The following PAX7 variants were observed in gnomAD, a reference collection of about 807,000 sequenced individuals.
The protein encoded by PAX7 is paired box 7.
PAX7 carries 18 observed loss-of-function variants against 50.7 expected under a neutral mutation model. The ratio of observed to expected loss-of-function variants is 0.36; its 90% CI spans 0.25 to 0.53. The LOEUF (loss-of-function observed/expected upper bound fraction) is 0.53, where lower values mean the gene tolerates loss of function less well. Ranked by LOEUF, PAX7 falls within the 20% of genes least tolerant of loss-of-function variation. The pLI is 0.93. For missense variants in PAX7, 644 were observed against 702.9 expected, an observed-to-expected ratio of 0.92 and a Z score of 0.95; for synonymous variants, 310 against 290.4, an observed-to-expected ratio of 1.07 and a Z score of -0.69.
intron 3 of PAX7, among the ~76,000 whole-genome samples, chr1:18,635,486 G>C (rs2088136390): frequency 6.6e-6 from 1 of 151,504 alleles, no homozygotes; most frequent in South Asian, 2.1e-4. Context: ...AAATAAGAAA[G>C]GGAGGAAGAA....
At chr1:18,733,639 C>T (rs2089675500) in intron 7 of PAX7, among the ~76,000 whole-genome samples, 1 of 152,170 alleles carries the variant, frequency 6.6e-6, no homozygotes, top group African/African-American at 2.4e-5. Context: ...AAGAACCAGG[C>T]AGAGGCTCTG....
intron 8 of PAX7, among the ~76,000 whole-genome samples, chr1:18,737,338 A>C: frequency 6.6e-6 from 1 of 151,500 alleles, no homozygotes. Flanking sequence ...CACCCCCCCA[A>C]ACCCACTCCT....
At chr1:18,717,659 A>G (rs2089444919) in intron 7 of PAX7, among the ~76,000 whole-genome samples, 1 of 152,126 alleles carries the variant, frequency 6.6e-6, no homozygotes, top group Non-Finnish European at 1.5e-5. Flanking sequence ...TAATGCAAGG[A>G]CCCTAGGCTC....
chr1:18,635,214 A>G lies in PAX7; in HGVS notation c.425A>G (p.His142Arg), dbSNP rs1222049098. Residue 142 changes from histidine to arginine, a missense_variant, in exon 3 of 9, where the codon CAC (histidine) becomes CGC (arginine). By Grantham distance (29) the His-to-Arg change is conservative (BLOSUM62 0). Coordinates refer to ENST00000420770, the MANE Select transcript of PAX7 (RefSeq NM_001135254.2). ...EIRDRLLKDGHCDRSTVPSGL... is the reference protein window; with the variant it reads ...EIRDRLLKDGRCDRSTVPSGL... ...CGGGACAGGCTGCTGAAGGATGGGC[A>G]CTGTGACCGAAGCACTGTGCCCTCA... 6.2e-7 allele frequency: 1 copy of G among 1,613,750 alleles called. No individual in the cohort carries two copies. Among genetic ancestry groups the G allele is most frequent in the Non-Finnish European group, 8.5e-7 (1 of 1,179,856 alleles).
rs192492282 is a variant in PAX7, at chr1:18,748,739, A to C, written c.*3810A>C. 2 of 229,492 alleles carry C rather than the reference A, an allele frequency of 8.7e-6. No homozygotes were observed. Among genetic ancestry groups the C allele is most frequent in the African/African-American group, 4.4e-5 (2 of 45,200 alleles). The allele number at this position is 229,492 out of a possible 1,614,324, so 14.2% of individuals were successfully genotyped here. A position where few individuals can be genotyped will look rare whatever the true frequency, so the allele number is the denominator to read the frequency against. On this transcript the variant is annotated 3_prime_UTR_variant, in exon 9 of 9. Coordinates refer to ENST00000420770, the MANE Select transcript of PAX7 (RefSeq NM_001135254.2). ...TGTGTTTAAATATAATCACACCATA[A>C]TTTATTCAGCTATATGGAGTAGTAG... is the stretch of plus-strand genomic sequence containing the variant.
In PAX7 at chr1:18,634,559, G is replaced by A. The variant is rs1162116198; in HGVS notation, c.321+21G>A. The A allele has an allele frequency of 2.5e-6, 4 of 1,606,124 alleles. No homozygotes were observed. The highest frequency in any genetic ancestry group is 3.4e-6 in the Non-Finnish European group (4 of 1,173,732). ...CCAGAGTGAGTGTCTTTGCCACAGAGGCTGGCAGCTGGCTTCCTATAGTCG... is the reference window on the plus strand; with the variant it reads ...CCAGAGTGAGTGTCTTTGCCACAGAAGCTGGCAGCTGGCTTCCTATAGTCG... On this transcript the variant is annotated intron_variant, in intron 2 of 8. Coordinates refer to ENST00000420770, the MANE Select transcript of PAX7 (RefSeq NM_001135254.2). This position sits in a 1 kb window ranked among gnomAD's most constrained non-coding sequence, Gnocchi z 4.0.
chr1:18,695,945 G>T (rs2089144317), intron 5 of PAX7, among the ~76,000 whole-genome samples: 2 of 152,164 alleles, frequency 1.3e-5, no homozygotes, highest in South Asian at 4.1e-4. Flanking sequence ...TGTGCTTGGG[G>T]TAGGGGTGGG....
chr1:18,634,984 G>A lies in PAX7; in HGVS notation c.322-127G>A. On this transcript the variant is annotated intron_variant, in intron 2 of 8. Coordinates refer to ENST00000420770, the MANE Select transcript of PAX7 (RefSeq NM_001135254.2). The surrounding 1 kb of genome is among the most constrained non-coding windows in gnomAD (Gnocchi z 4.0). ...GAAAGGATAAAGCCAATCTCTTGGG[G>A]GATGGGGGGACACAAGGTAACCAGA... 1.7e-6 allele frequency: 2 copies of A among 1,191,384 alleles called. No homozygotes were observed. Among genetic ancestry groups the A allele is most frequent in the South Asian group, 1.6e-5 (1 of 61,542 alleles). The allele number at this position is 1,191,384 out of a possible 1,614,324, so 73.8% of individuals were successfully genotyped here. A position where few individuals can be genotyped will look rare whatever the true frequency, so the allele number is the denominator to read the frequency against.
intron 4 of PAX7, among the ~76,000 whole-genome samples, chr1:18,666,967 T>C (rs731306): frequency 0.46 from 69,308 of 151,746 alleles, 16,175 homozygotes; most frequent in African/African-American, 0.54. Flanking sequence ...GCTGAGGGAG[T>C]GGGGGTCCTC....
At chr1:18,738,943 C>T (rs1245115507) in intron 8 of PAX7, among the ~76,000 whole-genome samples, 1 of 152,216 alleles carries the variant, frequency 6.6e-6, no homozygotes, top group African/African-American at 2.4e-5. Flanking sequence ...CATCATGTTC[C>T]CGCTAACCAC....
At chr1:18,739,827 G>A (rs569250719) in intron 8 of PAX7, among the ~76,000 whole-genome samples, 3 of 152,330 alleles carry the variant, frequency 2.0e-5, no homozygotes, top group African/African-American at 4.8e-5. Flanking sequence ...GGGGGCAGGG[G>A]CCCAGGGATG....
rs1202823438 is a variant in PAX7, at chr1:18,746,472, T to C, written c.*1543T>C. ...GGAACTTTTTACCACCTTTACCTATTTATCAAAATCATATTCATCTTTACC... is the reference window on the plus strand; with the variant it reads ...GGAACTTTTTACCACCTTTACCTATCTATCAAAATCATATTCATCTTTACC... On this transcript the variant is annotated 3_prime_UTR_variant, in exon 9 of 9. Transcript: ENST00000420770. The C allele has an allele frequency of 4.3e-6, 1 of 230,512 alleles. No individual in the cohort carries two copies. Among genetic ancestry groups the C allele is most frequent in the East Asian group, 6.1e-5 (1 of 16,288 alleles). 14.3% of individuals were successfully genotyped at this position (230,512 alleles called of 1,614,324 possible). A position where few individuals can be genotyped will look rare whatever the true frequency, so the allele number is the denominator to read the frequency against.
chr1:18,728,293 G>T (rs906105895), intron 7 of PAX7, among the ~76,000 whole-genome samples: 30 of 152,054 alleles, frequency 2.0e-4, no homozygotes, highest in Non-Finnish European at 4.0e-4. Context: ...GGTGCCTGCG[G>T]GTTTTCATGG....
At chr1:18,658,863 AC>A (rs1168144610) in intron 4 of PAX7, among the ~76,000 whole-genome samples, 1 of 151,966 alleles carries the variant, frequency 6.6e-6, no homozygotes, top group African/African-American at 2.4e-5. Context: ...TGCTAAGGGA[AC>A]CCTTGCTCAA....
intron 5 of PAX7, among the ~76,000 whole-genome samples, chr1:18,699,005 AC>A (rs1385697441): frequency 2.0e-5 from 3 of 151,668 alleles, no homozygotes; most frequent in Non-Finnish European, 4.4e-5. Context: ...GGCGGCCTTC[AC>A]CCCCCATCAG....
In PAX7 at chr1:18,747,638, C is replaced by T. The variant is rs1466504416; in HGVS notation, c.*2709C>T. 1 of 211,026 alleles carries T rather than the reference C, an allele frequency of 4.7e-6. No homozygotes were observed. The highest frequency in any genetic ancestry group is 7.0e-5 in the East Asian group (1 of 14,238). The allele number at this position is 211,026 out of a possible 1,614,324, so 13.1% of individuals were successfully genotyped here. A position where few individuals can be genotyped will look rare whatever the true frequency, so the allele number is the denominator to read the frequency against. On this transcript the variant is annotated 3_prime_UTR_variant, in exon 9 of 9. Transcript: ENST00000420770. ...GCCAGGCCGTCCCAGAAACAACCCC[C>T]ATCCATCCCTGTAAATAGAGTCTGT...
At chr1:18,730,594 C>T (rs2089633992) in intron 7 of PAX7, among the ~76,000 whole-genome samples, 1 of 151,922 alleles carries the variant, frequency 6.6e-6, no homozygotes, top group Non-Finnish European at 1.5e-5. Flanking sequence ...AGCCACACTC[C>T]CAAAGCCACG....
chr1:18,735,070 T>C lies in PAX7; in HGVS notation c.1156-562T>C, dbSNP rs185087004. ...GGGCCTGAGAGGCTCTTTGAAAGCA[T>C]TGGCTGTGGGCTTCAGTGTCGAAGG... is the stretch of plus-strand genomic sequence containing the variant. On this transcript the variant is annotated intron_variant, in intron 7 of 8. Coordinates refer to ENST00000420770, the MANE Select transcript of PAX7 (RefSeq NM_001135254.2). The surrounding 1 kb of genome is among the most constrained non-coding windows in gnomAD (Gnocchi z 4.0). 1.7e-4 allele frequency among the ~76,000 whole-genome samples: 26 copies of C among 152,256 alleles called. No homozygotes were observed. The East Asian group carries it at 3.3e-3, about 19-fold the overall frequency.
At chr1:18,715,925 G>C (rs150825622) in intron 7 of PAX7, among the ~76,000 whole-genome samples, 2 of 152,216 alleles carry the variant, frequency 1.3e-5, no homozygotes, top group African/African-American at 4.8e-5. Context: ...CTTTGCAGCT[G>C]TCTCTTCCAC....
Sources: gnomAD v4.1 joint callset for allele counts (sites outside exome capture counted in the v4.1 genomes callset) on GRCh38, gnomAD v4.1.1 for gene constraint, Gnocchi (gnomAD v3.1) non-coding constraint, MANE v1.5 for transcripts, NCBI Gene and HGNC (gene_info 2026-07-23, HGNC 2026-07-21) for gene names.